Variants in FSCN2 observed in about 807,000 individuals in gnomAD.
FSCN2 encodes the protein fascin-2.
Under a neutral mutation model 37.8 loss-of-function variants are expected in FSCN2, and 46 were observed. The ratio of observed to expected loss-of-function variants is 1.22; its 90% CI spans 0.96 to 1.56. FSCN2 has a LOEUF of 1.56. FSCN2 is among the 40% of genes most tolerant of loss of function. The pLI is 0.00. For synonymous variants in FSCN2, 351 were observed against 309.4 expected (o/e 1.13, Z -1.41); for missense variants, 844 against 730.4 (o/e 1.16, Z -1.79).
rs1406188082 is a variant in FSCN2 at position 81,532,052 on chromosome 17, GGTGATGGTGATGATA to G, written c.826+2705_826+2719del. Among the ~76,000 whole-genome samples the G allele has an allele frequency of 3.9e-3, 480 of 124,274 alleles. 1 individual carries two copies. The highest frequency in any genetic ancestry group is 6.1e-3 in the Non-Finnish European group (356 of 58,322). The allele number at this position is 124,274 out of a possible 152,430, so 81.5% of individuals were successfully genotyped here. A position where few individuals can be genotyped will look rare whatever the true frequency, so the allele number is the denominator to read the frequency against. On this transcript the variant is annotated intron_variant, in intron 1 of 4. Transcript: ENST00000417245. ...TGATGGTGATGATGATGGTGATGAT[GGTGATGGTGATGATA>G]GTGATGGTGGTGATGGTGATGGTGA... is the stretch of plus-strand genomic sequence containing the variant.
the FSCN2 span, among the ~76,000 whole-genome samples, chr17:81,522,512 G>A: frequency 1.8e-4 from 28 of 152,240 alleles, no homozygotes; most frequent in African/African-American, 4.8e-5. Flanking sequence ...TGTCCCAGAA[G>A]TCAGAGGTAG....
At chr17:81,529,473 T>G in intron 1 of FSCN2, 116 bp downstream of exon 1, 1 of 915,018 alleles carries the variant, frequency 1.1e-6, no homozygotes, top group Non-Finnish European at 1.8e-6. Context: ...CACATGTCTG[T>G]TCTGGGCTGG....
At chr17:81,518,434 C>T in the FSCN2 span, among the ~76,000 whole-genome samples, 1 of 152,028 alleles carries the variant, frequency 6.6e-6, no homozygotes. Context: ...GCAGGAAGCC[C>T]AAGTAGGGGT....
At chr17:81,520,739 A>G in the FSCN2 span, among the ~76,000 whole-genome samples, 1 of 152,224 alleles carries the variant, frequency 6.6e-6, no homozygotes, top group Admixed American at 6.5e-5. Flanking sequence ...GTGTTTCTCT[A>G]AGAGCCTTCA....
At chr17:81,532,747 CAGTGAT>C (rs1449242468) in intron 1 of FSCN2, among the ~76,000 whole-genome samples, 2 of 144,044 alleles carry the variant, frequency 1.4e-5, no homozygotes, top group Non-Finnish European at 3.0e-5. Flanking sequence ...GTGATGATGA[CAGTGAT>C]GATGGTGATG....
chr17:81,530,461 C>T (rs1226944561), intron 1 of FSCN2: 3 of 382,180 alleles, frequency 7.8e-6, no homozygotes, highest in African/African-American at 6.7e-5. Flanking sequence ...AAAGCCCTGG[C>T]CCGGGCAGTC....
chr17:81,522,287 GC>G, the FSCN2 span, among the ~76,000 whole-genome samples: 1 of 152,176 alleles, frequency 6.6e-6, no homozygotes, highest in Non-Finnish European at 1.5e-5. Context: ...TTACAGCCCG[GC>G]CAAACTATCA....
rs557281941 is a variant in FSCN2, at chr17:81,536,917, T to C, written c.1316T>C (p.Val439Ala). ...TGGTACACGGGCAGCCACGGCAGCGTGTGCAGCGACGGCGAACGCGCCGAG... is the reference window on the plus strand; with the variant it reads ...TGGTACACGGGCAGCCACGGCAGCGCGTGCAGCGACGGCGAACGCGCCGAG... ...GFWYTGSHGS[V>A]CSDGERAEDF... The change falls in exon 5 of 5, where the codon GTG becomes GCG. Residue 439 changes from valine to alanine, a missense_variant. Transcript: ENST00000417245. 7 of 1,575,106 alleles carry C rather than the reference T, an allele frequency of 4.4e-6. No individual in the cohort carries two copies. The East Asian group carries it at 1.4e-4, about 32-fold the overall frequency.
intron 1 of FSCN2, among the ~76,000 whole-genome samples, chr17:81,532,158 A>ATAG (rs2032679335): frequency 8.8e-6 from 1 of 114,232 alleles, no homozygotes; most frequent in Admixed American, 8.5e-5. Flanking sequence ...GATGGTGATG[A>ATAG]TGATGGTGAT....
upstream of FSCN2, among the ~76,000 whole-genome samples, chr17:81,524,342 G>C (rs1555669810): frequency 1.3e-5 from 2 of 152,108 alleles, no homozygotes; most frequent in East Asian, 1.9e-4. Context: ...GGACCAGGGG[G>C]CTGGGGGTAC....
intron 1 of FSCN2, among the ~76,000 whole-genome samples, chr17:81,533,232 T>TC (rs376483562): frequency 1.5e-4 from 23 of 151,662 alleles, no homozygotes; most frequent in East Asian, 3.9e-4. Context: ...CTTGCATGTA[T>TC]CCCCCCCCAT....
In FSCN2 at chr17:81,529,307, C is replaced by A. The variant is rs782021023; in HGVS notation, c.776C>A (p.Pro259Gln). The change falls in exon 1 of 5, where the codon CCA becomes CAA. Residue 259 changes from proline (P) to glutamine (Q), a missense_variant. By Grantham distance (76) the Pro-to-Gln change is moderately conservative (BLOSUM62 -1). Transcript: ENST00000417245. ...CTCTTTGATCTGGAGGAGAGTCACC[C>A]ACAGGTGGTGCTGGTGGCTGCCAAC... is the stretch of plus-strand genomic sequence containing the variant. ...DELFDLEESH[P>Q]QVVLVAANHR... 1 of 1,567,808 alleles carries A rather than the reference C, an allele frequency of 6.4e-7. No homozygotes were observed.
In FSCN2 at chr17:81,529,375, G is replaced by A; in HGVS notation, c.826+18G>A. 1.3e-6 allele frequency: 2 copies of A among 1,518,198 alleles called. No individual in the cohort carries two copies. The highest frequency in any genetic ancestry group is 1.8e-6 in the Non-Finnish European group (2 of 1,128,356). The allele number at this position is 1,518,198 out of a possible 1,614,324, so 94.0% of individuals were successfully genotyped here. The stretch of plus-strand genomic sequence containing the variant: ...GCGGCAAGGTAGGGAGGGCACAGGT[G>A]GCGACCTCCTGAGGGGTGCTGGGAC... On this transcript the variant is annotated intron_variant, in intron 1 of 4. Transcript: ENST00000417245.
At chr17:81,515,145 G>T in the FSCN2 span, among the ~76,000 whole-genome samples, 1 of 152,270 alleles carries the variant, frequency 6.6e-6, no homozygotes, top group East Asian at 1.9e-4. Context: ...GCAGGGCGAG[G>T]CCTGGAGCCC....
rs1195745333 is a variant in FSCN2 at position 81,535,149 on chromosome 17, C to T, written c.924C>T (p.Ser308=). ...QETKKCTFYS[S]TGGYWTLVTH... ...CAAAGAAGTGCACCTTCTATTCCAG[C>T]ACTGGGGGCTACTGGACCCTGGTCA... Residue 308 remains serine (S), a synonymous_variant, in exon 2 of 5, where the codon AGC becomes AGT. Transcript: ENST00000417245. 1.3e-6 allele frequency: 2 copies of T among 1,534,118 alleles called. No individual in the cohort carries two copies. Among genetic ancestry groups the T allele is most frequent in the Admixed American group, 2.0e-5 (1 of 50,810 alleles).
chr17:81,525,647 C>G (rs2032329606), upstream of FSCN2, among the ~76,000 whole-genome samples: 1 of 152,062 alleles, frequency 6.6e-6, no homozygotes, highest in South Asian at 2.1e-4. Flanking sequence ...ATCACATGAA[C>G]CTGGGAGGCA....
upstream of FSCN2, among the ~76,000 whole-genome samples, chr17:81,525,227 A>T (rs868962911): frequency 2.0e-5 from 3 of 150,014 alleles, no homozygotes; most frequent in South Asian, 2.1e-4. Context: ...GGTGTTTGAG[A>T]CCATGCTGGC....
chr17:81,531,564 ATGATAG>A (rs1313358547), intron 1 of FSCN2, among the ~76,000 whole-genome samples: 1 of 83,212 alleles, frequency 1.2e-5, no homozygotes, highest in Non-Finnish European at 2.6e-5. Flanking sequence ...GATGATGGTG[ATGATAG>A]TGATGGTGAT....
Position 81,529,175 on chromosome 17 carries a change from AGGCG to A in FSCN2, c.648_651del (p.Gly217SerfsTer70). On this transcript the variant is annotated frameshift_variant, in exon 1 of 5. Transcript: ENST00000417245. LOFTEE classifies it high-confidence loss of function. ...CGTGCCTGCTACACGCTGGAGTTCA[AGGCG>A]GGCAAGCTGGCCTTCAAGGACTGCG... The A allele has an allele frequency of 6.3e-7, 1 of 1,592,002 alleles. No individual in the cohort carries two copies. The highest frequency in any genetic ancestry group is 2.3e-5 in the East Asian group (1 of 43,784).
Sources: allele counts gnomAD v4.1 joint callset (sites outside exome capture counted in the v4.1 genomes callset), GRCh38; gene constraint gnomAD v4.1.1; transcripts MANE v1.5; gene names NCBI Gene and HGNC (gene_info 2026-07-23, HGNC 2026-07-21).